Variants in ZNF462 observed in about 807,000 individuals in gnomAD.
The protein encoded by ZNF462 is zinc finger PBX1-interacting protein.
A neutral mutation model predicts 201.9 loss-of-function variants in ZNF462; 10 were observed. The observed-to-expected ratio is 0.05, with a 90% CI of 0.03 to 0.08. The LOEUF (loss-of-function observed/expected upper bound fraction) is 0.08, where lower values mean the gene tolerates loss of function less well. Ranked by LOEUF, ZNF462 falls within the 10% of genes least tolerant of loss-of-function variation. The pLI, the probability that ZNF462 is intolerant of heterozygous loss-of-function variation, is 1.00. For missense variants in ZNF462, 2,523 were observed against 3,168.3 expected (o/e 0.80, Z 4.89); for synonymous variants, 1,227 against 1,193.3 (o/e 1.03, Z -0.58).
intron 1 of ZNF462, among the ~76,000 whole-genome samples, chr9:106,904,265 C>A (rs1829176067): frequency 1.3e-5 from 2 of 152,142 alleles, no homozygotes; most frequent in Non-Finnish European, 2.9e-5. Context: ...TCCCCAATCC[C>A]TTCTAGCTTG....
At position 106,939,078 on chromosome 9, in the gene ZNF462, C is replaced by T. The variant is rs28692917; in HGVS notation, c.6398C>T (p.Thr2133Ile). Residue 2133 changes from threonine to isoleucine, a missense_variant, in exon 7 of 13, where the codon ACC becomes ATC. By Grantham distance (89) the Thr-to-Ile change is moderately conservative. Around this residue, in one of 15 missense-constraint regions of ZNF462, gnomAD observed 138 missense variants for 146.3 expected, o/e 0.94. Coordinates refer to ENST00000277225, the MANE Select transcript of ZNF462 (RefSeq NM_021224.6). ...SHSHHSSQKA[T>I]PAEEVEDSND... ...TCCCACCACTCCTCCCAAAAAGCTACCCCGGCTGAAGAAGTGGAAGACTCC... is the reference window on the plus strand; with the variant it reads ...TCCCACCACTCCTCCCAAAAAGCTATCCCGGCTGAAGAAGTGGAAGACTCC... 4 of 1,610,042 alleles carry T rather than the reference C, an allele frequency of 2.5e-6. No individual in the cohort carries two copies. The African/African-American group carries it at 4.0e-5, about 16-fold the overall frequency.
intron 1 of ZNF462, among the ~76,000 whole-genome samples, chr9:106,864,101 T>TCTCTCTCTCCCTCTCTCC (rs1827209222): frequency 9.1e-6 from 1 of 110,234 alleles, no homozygotes; most frequent in Non-Finnish European, 1.9e-5. Flanking sequence ...TCTCTCTCTC[T>TCTCTCTCTCCCTCTCTCC]CTCTCTCTCC....
rs1027893969 is a variant in ZNF462, at chr9:107,010,431, T to C, written c.7314-392T>C. ...GAGTTACTCTTTTAGACTTCATAAA[T>C]ATAACCAATCTCCAAGCTTCTGGGT... On this transcript the variant is annotated intron_variant, in intron 12 of 12. Coordinates refer to ENST00000277225, the MANE Select transcript of ZNF462 (RefSeq NM_021224.6). This position sits in a 1 kb window ranked among gnomAD's most constrained non-coding sequence, Gnocchi z 4.6. Among the ~76,000 whole-genome samples, 16 of 152,288 alleles carry C rather than the reference T, an allele frequency of 1.1e-4. No homozygotes were observed. The highest frequency in any genetic ancestry group is 3.8e-4 in the African/African-American group (16 of 41,566).
chr9:106,923,578 A>G lies in ZNF462; in HGVS notation c.195A>G (p.Glu65=), dbSNP rs138180117. 9 of 1,614,210 alleles carry G rather than the reference A, an allele frequency of 5.6e-6. No homozygotes were observed. The African/African-American group carries it at 1.1e-4, about 19-fold the overall frequency. The change falls in exon 2 of 13, where the codon GAA becomes GAG. Residue 65 remains glutamate (E), a synonymous_variant. Coordinates refer to ENST00000277225, the MANE Select transcript of ZNF462 (RefSeq NM_021224.6). The surrounding 1 kb of genome is among the most constrained non-coding windows in gnomAD (Gnocchi z 5.6). ...TGGAGTTTTCTTCTATAAAGGATGA[A>G]TTTGCCATTGCAGAAGATTTATCAG... is the stretch of plus-strand genomic sequence containing the variant. ...TEVEFSSIKD[E]FAIAEDLSGQ...
intron 9 of ZNF462, among the ~76,000 whole-genome samples, chr9:106,982,750 G>A (rs917533461): frequency 7.2e-5 from 11 of 152,014 alleles, no homozygotes; most frequent in Admixed American, 4.6e-4. Flanking sequence ...CCGATTAATC[G>A]CTGCCTTCAA....
In ZNF462 at chr9:106,925,149, G is replaced by T. The variant is rs771472755; in HGVS notation, c.1237G>T (p.Ala413Ser). ...GGATCACCAGACATCAGGCCTGTCT[G>T]CAGAGCAGCTGATGGGCTCAGATGG... ...AMDHQTSGLS[A>S]EQLMGSDGNK... Residue 413 changes from alanine (A) to serine (S), a missense_variant, in exon 3 of 13, where the codon GCA becomes TCA. Physicochemically the swap from Ala to Ser is moderately conservative, Grantham distance 99. Around this residue, in one of 15 missense-constraint regions of ZNF462, gnomAD observed 480 missense variants for 544.4 expected, o/e 0.88. Coordinates refer to ENST00000277225, the MANE Select transcript of ZNF462 (RefSeq NM_021224.6). The surrounding 1 kb of genome is among the most constrained non-coding windows in gnomAD (Gnocchi z 7.9). The T allele has an allele frequency of 6.2e-7, 1 of 1,614,222 alleles. No homozygotes were observed. Among genetic ancestry groups the T allele is most frequent in the Non-Finnish European group, 8.5e-7 (1 of 1,180,040 alleles).
Position 106,925,537 on chromosome 9 carries a change from C to T in ZNF462, c.1625C>T (p.Pro542Leu). 1 of 1,613,418 alleles carries T rather than the reference C, an allele frequency of 6.2e-7. No individual in the cohort carries two copies. Among genetic ancestry groups the T allele is most frequent in the Non-Finnish European group, 8.5e-7 (1 of 1,179,764 alleles). Residue 542 changes from proline (P) to leucine (L), a missense_variant, in exon 3 of 13, where the codon CCA becomes CTA. Coordinates refer to ENST00000277225, the MANE Select transcript of ZNF462 (RefSeq NM_021224.6). The surrounding 1 kb of genome is among the most constrained non-coding windows in gnomAD (Gnocchi z 7.9). ...VMLDPLQQQQ[P>L]PQPPPPPPPP... ...TTGGATCCCTTGCAGCAGCAACAGC[C>T]ACCGCAGCCACCACCACCGCCGCCG...
chr9:106,894,847 GT>G (rs1337392917), intron 1 of ZNF462, among the ~76,000 whole-genome samples: 7 of 152,116 alleles, frequency 4.6e-5, no homozygotes, highest in Non-Finnish European at 1.0e-4. Flanking sequence ...AATATTGTAA[GT>G]TTTCTATTGA....
In ZNF462 at chr9:106,926,663, C is replaced by G; in HGVS notation, c.2751C>G (p.Asn917Lys). Residue 917 changes from asparagine to lysine, a missense_variant, in exon 3 of 13, where the codon AAC becomes AAG. Coordinates refer to ENST00000277225, the MANE Select transcript of ZNF462 (RefSeq NM_021224.6). This position sits in a 1 kb window ranked among gnomAD's most constrained non-coding sequence, Gnocchi z 7.9. ...EHHPEAMNVL[N>K]FDHSDLIYRC... ...ACCCAGAAGCCATGAATGTACTCAA[C>G]TTTGATCACTCGGACCTGATCTACC... The G allele has an allele frequency of 6.2e-7, 1 of 1,614,076 alleles. No individual in the cohort carries two copies. Among genetic ancestry groups the G allele is most frequent in the Non-Finnish European group, 8.5e-7 (1 of 1,180,020 alleles).
At chr9:106,967,012 G>C (rs1362565158) in intron 7 of ZNF462, among the ~76,000 whole-genome samples, 2 of 152,068 alleles carry the variant, frequency 1.3e-5, no homozygotes, top group Non-Finnish European at 2.9e-5. Flanking sequence ...GAGCATGCAA[G>C]GGGGCTGTCC....
At chr9:106,971,982 T>C in intron 7 of ZNF462, 23 bp from the exon 8 acceptor site, 2 of 1,600,250 alleles carry the variant, frequency 1.2e-6, no homozygotes, top group South Asian at 2.2e-5. Context: ...GTGCCCCGTG[T>C]CATTTTTCCC....
At chr9:107,001,466 A>G (rs1471148759) in intron 10 of ZNF462, among the ~76,000 whole-genome samples, 1 of 152,198 alleles carries the variant, frequency 6.6e-6, no homozygotes, top group Non-Finnish European at 1.5e-5. Flanking sequence ...GAAGATATCA[A>G]GGACATATAC....
intron 7 of ZNF462, among the ~76,000 whole-genome samples, chr9:106,965,795 T>C (rs1460351654): frequency 6.6e-6 from 1 of 152,114 alleles, no homozygotes; most frequent in Non-Finnish European, 1.5e-5. Context: ...TGCAGAATTC[T>C]GTTTCTGGTC....
At position 106,977,481 on chromosome 9, in the gene ZNF462, C is replaced by G. The variant is rs1827094407; in HGVS notation, c.6832+3208C>G. 6.6e-6 allele frequency among the ~76,000 whole-genome samples: 1 copy of G among 151,622 alleles called. No homozygotes were observed. Among genetic ancestry groups the G allele is most frequent in the Admixed American group, 6.5e-5 (1 of 15,272 alleles). On this transcript the variant is annotated intron_variant, in intron 9 of 12. Coordinates refer to ENST00000277225, the MANE Select transcript of ZNF462 (RefSeq NM_021224.6). This position sits in a 1 kb window ranked among gnomAD's most constrained non-coding sequence, Gnocchi z 4.6. ...TGATATATTTAAGTAGAGAGAGAATCTACTTCGCTCATGGGAAATCTGAAT... is the reference window on the plus strand; with the variant it reads ...TGATATATTTAAGTAGAGAGAGAATGTACTTCGCTCATGGGAAATCTGAAT...
chr9:106,875,918 G>T (rs543888708), intron 1 of ZNF462, among the ~76,000 whole-genome samples: 1 of 152,178 alleles, frequency 6.6e-6, no homozygotes, highest in African/African-American at 2.4e-5. Flanking sequence ...ATATGTATAT[G>T]TATGTATATG....
At chr9:106,961,376 G>A (rs569482841) in intron 7 of ZNF462, among the ~76,000 whole-genome samples, 12 of 152,188 alleles carry the variant, frequency 7.9e-5, no homozygotes, top group Admixed American at 1.3e-4. Flanking sequence ...GCCATTGTCC[G>A]TGTAATTAAA....
At position 106,886,873 on chromosome 9, in the gene ZNF462, G is replaced by A. The variant is rs570305659; in HGVS notation, c.-31+23518G>A. ...AGGATTCTGTGCCTTGTCTAGGCTT[G>A]TTGGAAAAGAGTGTGGAGATCAAGC... On this transcript the variant is annotated intron_variant, in intron 1 of 12. Coordinates refer to ENST00000277225, the MANE Select transcript of ZNF462 (RefSeq NM_021224.6). This position sits in a 1 kb window ranked among gnomAD's most constrained non-coding sequence, Gnocchi z 4.6. Among the ~76,000 whole-genome samples, 1 of 152,246 alleles carries A rather than the reference G, an allele frequency of 6.6e-6. No homozygotes were observed. Among genetic ancestry groups the A allele is most frequent in the African/African-American group, 2.4e-5 (1 of 41,572 alleles).
At chr9:106,906,909 T>C (rs929079620) in intron 1 of ZNF462, among the ~76,000 whole-genome samples, 1 of 152,228 alleles carries the variant, frequency 6.6e-6, no homozygotes, top group Non-Finnish European at 1.5e-5. Flanking sequence ...TACAAATGCA[T>C]TGGCTAGCAT....
intron 1 of ZNF462, among the ~76,000 whole-genome samples, chr9:106,894,375 A>G (rs1828721653): frequency 6.6e-6 from 1 of 152,232 alleles, no homozygotes; most frequent in Non-Finnish European, 1.5e-5. Context: ...TCTATTACAG[A>G]GAGAAGATAT....
Sources: gnomAD v4.1 joint callset for allele counts (sites outside exome capture counted in the v4.1 genomes callset) on GRCh38, gnomAD v4.1.1 for gene constraint, gnomAD v4.1.1 regional missense constraint, Gnocchi (gnomAD v3.1) non-coding constraint, MANE v1.5 for transcripts, NCBI Gene and HGNC (gene_info 2026-07-23, HGNC 2026-07-21) for gene names.